The following FSTL5 variants were observed in gnomAD, a reference collection of about 807,000 sequenced individuals.
The protein encoded by FSTL5 is follistatin-related protein 5.
In FSTL5, 62 loss-of-function variants were observed where a neutral mutation model predicts 89.1. That is an observed-to-expected ratio of 0.70 (90% CI 0.57 to 0.86). The LOEUF (loss-of-function observed/expected upper bound fraction) is 0.86. Ranked by LOEUF, FSTL5 falls within the 40% of genes least tolerant of loss-of-function variation. The pLI is 0.00. For synonymous variants in FSTL5, 383 were observed against 346.2 expected, an observed-to-expected ratio of 1.11 and a Z score of -1.18; for missense variants, 1,057 against 1,001.6, an observed-to-expected ratio of 1.06 and a Z score of -0.75.
intron 7 of FSTL5, among the ~76,000 whole-genome samples, chr4:161,615,996 C>T (rs897820986): frequency 1.3e-5 from 2 of 152,028 alleles, no homozygotes; most frequent in Non-Finnish European, 2.9e-5. Context: ...TACTCAGCAA[C>T]ACATTCTATA....
chr4:161,666,608 G>A (rs1350447905), intron 6 of FSTL5, among the ~76,000 whole-genome samples: 1 of 152,082 alleles, frequency 6.6e-6, no homozygotes, highest in Non-Finnish European at 1.5e-5. Flanking sequence ...GATAACAGAA[G>A]TAAGAACACA....
At chr4:161,708,133 T>C (rs1324294942) in intron 6 of FSTL5, among the ~76,000 whole-genome samples, 3 of 152,018 alleles carry the variant, frequency 2.0e-5, no homozygotes, top group Admixed American at 6.6e-5. Flanking sequence ...CAGTGTCCTG[T>C]CCCTAAATAA....
At chr4:161,983,290 T>A (rs1232543434) in intron 3 of FSTL5, among the ~76,000 whole-genome samples, 1 of 152,166 alleles carries the variant, frequency 6.6e-6, no homozygotes, top group Non-Finnish European at 1.5e-5. Context: ...CTCAAGCAGG[T>A]AGCAAGCTGT....
intron 7 of FSTL5, among the ~76,000 whole-genome samples, chr4:161,655,156 T>C (rs919540669): frequency 3.3e-5 from 5 of 152,144 alleles, no homozygotes. Flanking sequence ...CTATAGGCTG[T>C]TTCTCAACCA....
chr4:161,431,312 A>G (rs558466059), intron 15 of FSTL5, among the ~76,000 whole-genome samples: 1 of 152,292 alleles, frequency 6.6e-6, no homozygotes, highest in East Asian at 1.9e-4. Flanking sequence ...AAGGAAAGCA[A>G]AGTTAAAATG....
At chr4:161,918,684 G>T (rs954701872) in intron 4 of FSTL5, among the ~76,000 whole-genome samples, 46 of 151,122 alleles carry the variant, frequency 3.0e-4, no homozygotes, top group Middle Eastern at 6.8e-3. Flanking sequence ...TCGCTCTGTT[G>T]CCTAGGCTGG....
At chr4:162,078,814 A>C (rs1450214067) in intron 2 of FSTL5, among the ~76,000 whole-genome samples, 1 of 151,744 alleles carries the variant, frequency 6.6e-6, no homozygotes, top group Non-Finnish European at 1.5e-5. Flanking sequence ...TCTGTCTGAA[A>C]CTCAAGAGAT....
intron 3 of FSTL5, among the ~76,000 whole-genome samples, chr4:162,017,005 C>T (rs909911286): frequency 8.5e-5 from 13 of 152,146 alleles, no homozygotes; most frequent in African/African-American, 2.9e-4. Flanking sequence ...TGATCACACA[C>T]AAGATTAAAC....
At chr4:161,586,405 T>C (rs1309641579) in intron 8 of FSTL5, among the ~76,000 whole-genome samples, 1 of 152,196 alleles carries the variant, frequency 6.6e-6, no homozygotes, top group African/African-American at 2.4e-5. Context: ...AAGTAGTAAA[T>C]GGCACACCCA....
intron 3 of FSTL5, among the ~76,000 whole-genome samples, chr4:161,969,808 T>TA (rs556978681): frequency 2.0e-5 from 3 of 151,924 alleles, no homozygotes; most frequent in Non-Finnish European, 2.9e-5. Flanking sequence ...CCCCAATCTT[T>TA]AAAAAAATGA....
At position 161,974,286 on chromosome 4, in the gene FSTL5, A is replaced by G. The variant is rs1391865672; in HGVS notation, c.161-53634T>C. Among the ~76,000 whole-genome samples, 4 of 152,342 alleles carry G rather than the reference A, an allele frequency of 2.6e-5. No individual in the cohort carries two copies. In the East Asian group the frequency reaches 7.7e-4, roughly 29 times the overall value. ...TAAAGTTCACATGGAACCAAAAAAG[A>G]GCCCGCATCGCCAAGTAAGCCAAAA... On this transcript the variant is annotated intron_variant, in intron 3 of 15. Coordinates refer to ENST00000306100, the MANE Select transcript of FSTL5 (RefSeq NM_020116.5).
chr4:161,800,929 G>T, intron 4 of FSTL5, among the ~76,000 whole-genome samples: 1 of 151,526 alleles, frequency 6.6e-6, no homozygotes, highest in East Asian at 1.9e-4. Flanking sequence ...TAGTTGACAA[G>T]TTTATCGTAG....
intron 1 of FSTL5, among the ~76,000 whole-genome samples, chr4:162,143,664 C>T (rs915965834): frequency 2.0e-5 from 3 of 151,636 alleles, no homozygotes; most frequent in Non-Finnish European, 2.9e-5. Context: ...ATTTAAAACA[C>T]TAAGGCTTAG....
At chr4:161,794,923 T>A (rs1729588592) in intron 4 of FSTL5, among the ~76,000 whole-genome samples, 1 of 152,094 alleles carries the variant, frequency 6.6e-6, no homozygotes, top group Non-Finnish European at 1.5e-5. Context: ...AGTAACTAGC[T>A]TATTGAAGAA....
intron 8 of FSTL5, among the ~76,000 whole-genome samples, chr4:161,565,167 C>T (rs1409275536): frequency 6.6e-6 from 1 of 151,792 alleles, no homozygotes; most frequent in East Asian, 1.9e-4. Context: ...TAACAGAAAA[C>T]TAATCAAAGC....
chr4:161,944,643 T>C (rs982212115), intron 3 of FSTL5, among the ~76,000 whole-genome samples: 3 of 151,948 alleles, frequency 2.0e-5, no homozygotes, highest in Admixed American at 6.6e-5. Context: ...TATATGTATA[T>C]GTATATTTTA....
At chr4:161,937,429 C>T (rs1484293638) in intron 3 of FSTL5, among the ~76,000 whole-genome samples, 1 of 151,964 alleles carries the variant, frequency 6.6e-6, no homozygotes, top group African/African-American at 2.4e-5. Context: ...GAGAGTTCAC[C>T]CAGTGCACAG....
chr4:162,078,188 T>C (rs2111326911), intron 2 of FSTL5, among the ~76,000 whole-genome samples: 1 of 151,960 alleles, frequency 6.6e-6, no homozygotes, highest in African/African-American at 2.4e-5. Flanking sequence ...CGGATATACC[T>C]TTCCTGTTGG....
chr4:161,686,740 G>C (rs542740526), intron 6 of FSTL5, among the ~76,000 whole-genome samples: 56 of 151,848 alleles, frequency 3.7e-4, no homozygotes, highest in African/African-American at 1.3e-3. Flanking sequence ...CATATTTTTG[G>C]TGTTTTTCTC....
Sources: allele counts gnomAD v4.1 joint callset (sites outside exome capture counted in the v4.1 genomes callset), GRCh38; gene constraint gnomAD v4.1.1; transcripts MANE v1.5; gene names NCBI Gene and HGNC (gene_info 2026-07-23, HGNC 2026-07-21).